Variants in GALNT13 observed in about 807,000 individuals in gnomAD.
GALNT13 encodes the protein UDP-GalNAc:polypeptide N-acetylgalactosaminyltransferase 13.
A neutral mutation model predicts 64.2 loss-of-function variants in GALNT13; 28 were observed. The ratio of observed to expected loss-of-function variants is 0.44; its 90% CI spans 0.32 to 0.60. The LOEUF is 0.60. GALNT13 is among the 20% of genes least tolerant of loss of function. The probability of loss-of-function intolerance (pLI) is 0.05; values close to 1 mark genes in which losing one functional copy is unlikely to be tolerated. For synonymous variants in GALNT13, 214 were observed against 224.6 expected, an observed-to-expected ratio of 0.95 and a Z score of 0.42; for missense variants, 577 against 669.8, an observed-to-expected ratio of 0.86 and a Z score of 1.53.
intron 9 of GALNT13, among the ~76,000 whole-genome samples, chr2:154,334,547 G>T (rs1446613831): frequency 6.6e-6 from 1 of 151,900 alleles, no homozygotes; most frequent in Non-Finnish European, 1.5e-5. Flanking sequence ...CAGTTTTGTG[G>T]GGTCCCCATT....
the GALNT13 span, among the ~76,000 whole-genome samples, chr2:153,485,177 T>C: frequency 1.3e-5 from 2 of 152,232 alleles, no homozygotes; most frequent in Non-Finnish European, 2.9e-5. Context: ...CAATTGATAT[T>C]TTATCATTCA....
chr2:153,347,527 A>C, the GALNT13 span, among the ~76,000 whole-genome samples: 1 of 152,218 alleles, frequency 6.6e-6, no homozygotes, highest in Admixed American at 6.5e-5. Context: ...CGTTTAAAAA[A>C]ACTGAAGTTG....
the GALNT13 span, among the ~76,000 whole-genome samples, chr2:153,359,630 C>CAAAAAAAAAAAAAAAAAAAAAA: frequency 1.1e-3 from 43 of 38,238 alleles, 4 homozygotes; most frequent in East Asian, 2.5e-3. Flanking sequence ...CAGCTTTCAG[C>CAAAAAAAAAAAAAAAAAAAAAA]AAAAAAAAAA....
At chr2:153,192,035 C>T in the GALNT13 span, among the ~76,000 whole-genome samples, 6 of 151,658 alleles carry the variant, frequency 4.0e-5, no homozygotes, top group South Asian at 1.2e-3. Flanking sequence ...TATTTTTTGT[C>T]TCTATTTAAT....
chr2:154,372,814 C>CT (rs34045577), intron 9 of GALNT13, among the ~76,000 whole-genome samples: 92,123 of 151,696 alleles, frequency 0.61, 28,675 homozygotes, highest in Admixed American at 0.67. Context: ...GCATACATTG[C>CT]TCTATATTTG....
intron 3 of GALNT13, among the ~76,000 whole-genome samples, chr2:153,968,306 G>A (rs916865832): frequency 1.3e-5 from 2 of 152,180 alleles, no homozygotes; most frequent in African/African-American, 2.4e-5. Flanking sequence ...TAAGTACTCC[G>A]TCTGTGAGCA....
intron 8 of GALNT13, among the ~76,000 whole-genome samples, chr2:154,269,926 T>TTTATATATATGTGTATA (rs1553506260): frequency 3.0e-5 from 1 of 33,342 alleles, no homozygotes; most frequent in Non-Finnish European, 7.6e-5. Context: ...ATATATATAT[T>TTTATATATATGTGTATA]TCTAAAGCAC....
chr2:153,661,627 G>C, the GALNT13 span, among the ~76,000 whole-genome samples: 1 of 152,060 alleles, frequency 6.6e-6, no homozygotes, highest in African/African-American at 2.4e-5. Context: ...GGGCATATAT[G>C]GCCACTTCTA....
At chr2:153,446,529 C>T in the GALNT13 span, among the ~76,000 whole-genome samples, 1 of 152,138 alleles carries the variant, frequency 6.6e-6, no homozygotes, top group Non-Finnish European at 1.5e-5. Flanking sequence ...CTGAAGTATA[C>T]TTCTACTTAT....
chr2:153,705,535 TG>T, the GALNT13 span, among the ~76,000 whole-genome samples: 1 of 152,200 alleles, frequency 6.6e-6, no homozygotes, highest in Non-Finnish European at 1.5e-5. Context: ...CTGGGTTTGT[TG>T]GGTTTGGCTC....
the GALNT13 span, among the ~76,000 whole-genome samples, chr2:153,836,728 A>G: frequency 1.4e-5 from 2 of 144,408 alleles, no homozygotes; most frequent in East Asian, 2.1e-4. Context: ...TCATTGTTCA[A>G]TTCCCATCTA....
chr2:153,542,312 C>T, the GALNT13 span, among the ~76,000 whole-genome samples: 1 of 149,056 alleles, frequency 6.7e-6, no homozygotes. Flanking sequence ...AAGAGCAAAA[C>T]TCCATCTCAA....
chr2:153,761,047 C>A, the GALNT13 span, among the ~76,000 whole-genome samples: 2 of 152,222 alleles, frequency 1.3e-5, no homozygotes, highest in Non-Finnish European at 1.5e-5. Context: ...ACCTTGGTCT[C>A]TCTCTTTTGG....
intron 1 of GALNT13, among the ~76,000 whole-genome samples, chr2:153,879,767 G>T (rs748841588): frequency 6.6e-6 from 1 of 152,114 alleles, no homozygotes; most frequent in Non-Finnish European, 1.5e-5. Flanking sequence ...GCCTTTGAAA[G>T]TGAAGGAAGA....
At chr2:153,620,471 TCTGA>T in the GALNT13 span, among the ~76,000 whole-genome samples, 1 of 151,934 alleles carries the variant, frequency 6.6e-6, no homozygotes, top group Non-Finnish European at 1.5e-5. Context: ...TTTTGTCTCC[TCTGA>T]CTGTCTATTT....
chr2:153,106,432 T>A, the GALNT13 span, among the ~76,000 whole-genome samples: 1 of 152,130 alleles, frequency 6.6e-6, no homozygotes, highest in Non-Finnish European at 1.5e-5. Context: ...GTGAGTACCA[T>A]GCTTTCCATC....
intron 9 of GALNT13, among the ~76,000 whole-genome samples, chr2:154,341,629 AG>A (rs1270704614): frequency 6.6e-6 from 1 of 151,994 alleles, no homozygotes; most frequent in Non-Finnish European, 1.5e-5. Flanking sequence ...GAAGGAGGAG[AG>A]GAAAAGAGGC....
At chr2:153,993,109 T>TAATA (rs1189473441) in intron 3 of GALNT13, among the ~76,000 whole-genome samples, 12 of 152,140 alleles carry the variant, frequency 7.9e-5, no homozygotes, top group Admixed American at 1.3e-4. Context: ...TATTTACGAC[T>TAATA]AATATATTTT....
At chr2:153,719,479 A>G in the GALNT13 span, among the ~76,000 whole-genome samples, 6 of 152,322 alleles carry the variant, frequency 3.9e-5, no homozygotes, top group East Asian at 1.9e-4. Context: ...GAATAGGAAC[A>G]GCTCCGGTCT....
Sources: gnomAD v4.1 joint callset for allele counts (sites outside exome capture counted in the v4.1 genomes callset) on GRCh38, gnomAD v4.1.1 for gene constraint, MANE v1.5 for transcripts, NCBI Gene and HGNC (gene_info 2026-07-23, HGNC 2026-07-21) for gene names.